FAM3C: variants seen among roughly 807,000 people sequenced by gnomAD.
The protein encoded by FAM3C is FAM3 metabolism regulating signaling molecule C, also known as protein FAM3C.
A neutral mutation model predicts 32.5 loss-of-function variants in FAM3C; 15 were observed. The observed-to-expected ratio is 0.46, with a 90% CI of 0.31 to 0.71. FAM3C has a LOEUF of 0.71. FAM3C is among the 30% of genes least tolerant of loss of function. The pLI, the probability that FAM3C is intolerant of heterozygous loss-of-function variation, is 0.05. For missense variants in FAM3C, 175 were observed against 274.4 expected, an observed-to-expected ratio of 0.64 and a Z score of 2.56; for synonymous variants, 75 against 86.1, an observed-to-expected ratio of 0.87 and a Z score of 0.72.
intron 5 of FAM3C, among the ~76,000 whole-genome samples, chr7:121,365,566 A>G (rs1046795765): frequency 2.0e-5 from 3 of 152,152 alleles, no homozygotes; most frequent in Non-Finnish European, 4.4e-5. Flanking sequence ...TAAATAAATC[A>G]AAAGAAACAC....
chr7:121,369,606 C>A (rs78228359), intron 5 of FAM3C, among the ~76,000 whole-genome samples: 1 of 152,354 alleles, frequency 6.6e-6, no homozygotes, highest in South Asian at 2.1e-4. Flanking sequence ...TTCTCTGGCT[C>A]TAAGCCCAGT....
chr7:121,382,944 TTAAA>T lies in FAM3C; in HGVS notation c.13+9_13+12del. ...AAAAAGTACAATTACTTCTACTAAA[TTAAA>T]TATCTTACCTGCTACCCTCATGTTT... On this transcript the variant is annotated intron_variant, in intron 2 of 9. Transcript: ENST00000359943. 6.3e-7 allele frequency: 1 copy of T among 1,589,990 alleles called. No individual in the cohort carries two copies. Among genetic ancestry groups the T allele is most frequent in the Non-Finnish European group, 8.6e-7 (1 of 1,162,026 alleles).
rs1793891793 is a variant in FAM3C, at chr7:121,360,197, A to G, written c.383-70T>C. The G allele has an allele frequency of 8.7e-6, 7 of 807,258 alleles. No homozygotes were observed. The Admixed American group carries it at 1.2e-4, about 13-fold the overall frequency. 50.0% of individuals were successfully genotyped at this position (807,258 alleles called of 1,614,324 possible). A position where few individuals can be genotyped will look rare whatever the true frequency, so the allele number is the denominator to read the frequency against. ...AAGCATCACGATAATCTCTGAAAGT[A>G]GTATTATAAAACATGAAGTATCTGT... On this transcript the variant is annotated intron_variant, in intron 7 of 9. Coordinates refer to ENST00000359943, the MANE Select transcript of FAM3C (RefSeq NM_014888.3).
intron 5 of FAM3C, among the ~76,000 whole-genome samples, chr7:121,366,279 A>C (rs928682762): frequency 2.6e-5 from 4 of 152,216 alleles, no homozygotes; most frequent in African/African-American, 9.7e-5. Flanking sequence ...TAAAAAGTGG[A>C]AACAACTCAA....
intron 1 of FAM3C, among the ~76,000 whole-genome samples, chr7:121,385,338 G>C (rs374332809): frequency 1.3e-5 from 2 of 152,102 alleles, no homozygotes; most frequent in East Asian, 1.9e-4. Context: ...ATTTGTTTTA[G>C]TGTTTTTGAT....
At chr7:121,385,535 C>T (rs1030469171) in intron 1 of FAM3C, among the ~76,000 whole-genome samples, 13 of 152,150 alleles carry the variant, frequency 8.5e-5, no homozygotes, top group Non-Finnish European at 1.9e-4. Flanking sequence ...TTTAAACATT[C>T]CTTTGGCCCC....
At chr7:121,354,489 C>A (rs1184677321) in intron 8 of FAM3C, among the ~76,000 whole-genome samples, 1 of 152,206 alleles carries the variant, frequency 6.6e-6, no homozygotes. Flanking sequence ...GAACTGGACA[C>A]AGGAATCTGT....
Position 121,360,154 on chromosome 7 carries a change from T to A in FAM3C, c.383-27A>T, listed in dbSNP as rs371446266. The A allele has an allele frequency of 2.4e-5, 30 of 1,252,150 alleles. 1 individual carries two copies. Among genetic ancestry groups the A allele is most frequent in the Non-Finnish European group, 2.2e-5 (19 of 856,390 alleles). 77.6% of individuals were successfully genotyped at this position (1,252,150 alleles called of 1,614,324 possible). On this transcript the variant is annotated intron_variant, in intron 7 of 9. Coordinates refer to ENST00000359943, the MANE Select transcript of FAM3C (RefSeq NM_014888.3). ...TGAAGAAAAAGAAAGGGTTTAGGGT[T>A]TTAAAAAATGACTGAATAAGCATCA... is the stretch of plus-strand genomic sequence containing the variant.
At chr7:121,365,388 T>A (rs1233511131) in intron 5 of FAM3C, among the ~76,000 whole-genome samples, 1 of 152,160 alleles carries the variant, frequency 6.6e-6, no homozygotes, top group Non-Finnish European at 1.5e-5. Flanking sequence ...ACTTCCTACA[T>A]TTTTGGTGCT....
intron 1 of FAM3C, among the ~76,000 whole-genome samples, chr7:121,383,299 T>C (rs1342242851): frequency 6.6e-6 from 1 of 152,144 alleles, no homozygotes; most frequent in Non-Finnish European, 1.5e-5. Flanking sequence ...TTCTCATGGA[T>C]TATGCATCTA....
intron 2 of FAM3C, among the ~76,000 whole-genome samples, chr7:121,382,027 A>G (rs1041366915): frequency 9.2e-5 from 14 of 152,192 alleles, no homozygotes; most frequent in Admixed American, 7.2e-4. Context: ...GATGACAATT[A>G]AGAAAAAGAC....
At chr7:121,361,821 G>A (rs941091381) in intron 7 of FAM3C, among the ~76,000 whole-genome samples, 2 of 152,092 alleles carry the variant, frequency 1.3e-5, no homozygotes, top group Non-Finnish European at 2.9e-5. Flanking sequence ...TGGAACTAAA[G>A]GTGCATGCCA....
intron 5 of FAM3C, among the ~76,000 whole-genome samples, chr7:121,368,635 T>C (rs1350537044): frequency 6.6e-6 from 1 of 152,096 alleles, no homozygotes; most frequent in African/African-American, 2.4e-5. Flanking sequence ...TTGAAATCCT[T>C]CCACAAGTTC....
At chr7:121,362,246 C>T (rs1465621847) in intron 7 of FAM3C, among the ~76,000 whole-genome samples, 1 of 152,150 alleles carries the variant, frequency 6.6e-6, no homozygotes, top group African/African-American at 2.4e-5. Context: ...CTTGCCTCTG[C>T]GTGCTGGTAA....
intron 6 of FAM3C, among the ~76,000 whole-genome samples, chr7:121,363,351 T>C (rs922075963): frequency 6.6e-6 from 1 of 152,160 alleles, no homozygotes; most frequent in African/African-American, 2.4e-5. Flanking sequence ...TTTTCTACAT[T>C]AAATCAGTTT....
chr7:121,358,360 TGTA>T (rs1401542241), intron 8 of FAM3C, among the ~76,000 whole-genome samples: 1 of 152,018 alleles, frequency 6.6e-6, no homozygotes, highest in Non-Finnish European at 1.5e-5. Context: ...CTATAAATCT[TGTA>T]GTATTAAAGC....
chr7:121,364,887 A>G (rs547770028), intron 5 of FAM3C, among the ~76,000 whole-genome samples: 1 of 152,162 alleles, frequency 6.6e-6, no homozygotes, highest in Non-Finnish European at 1.5e-5. Flanking sequence ...TGCTCAAATT[A>G]GAATTATTAA....
At chr7:121,384,368 C>T (rs1794423866) in intron 1 of FAM3C, among the ~76,000 whole-genome samples, 1 of 152,200 alleles carries the variant, frequency 6.6e-6, no homozygotes, top group Admixed American at 6.5e-5. Context: ...AAAAAAACCT[C>T]CGCTTTTTAA....
At chr7:121,355,954 G>C (rs1793799734) in intron 8 of FAM3C, among the ~76,000 whole-genome samples, 1 of 151,060 alleles carries the variant, frequency 6.6e-6, no homozygotes, top group South Asian at 2.1e-4. Context: ...AATTTAACAA[G>C]GATAAATGAA....
Sources: gnomAD v4.1 joint callset for allele counts (sites outside exome capture counted in the v4.1 genomes callset) on GRCh38, gnomAD v4.1.1 for gene constraint, MANE v1.5 for transcripts, NCBI Gene and HGNC (gene_info 2026-07-23, HGNC 2026-07-21) for gene names.